Variants in AARSD1 observed in about 807,000 individuals in gnomAD.
The protein encoded by AARSD1 is alanyl-tRNA editing protein Aarsd1.
Under a neutral mutation model 48.7 loss-of-function variants are expected in AARSD1, and 44 were observed. The ratio of observed to expected loss-of-function variants is 0.90; its 90% confidence interval spans 0.71 to 1.16. The LOEUF is 1.16. Ranked by LOEUF, AARSD1 falls within the 50% of genes most tolerant of loss-of-function variation. The pLI, the probability that AARSD1 is intolerant of heterozygous loss-of-function variation, is 0.00. For missense variants in AARSD1, 511 were observed against 523.1 expected (o/e 0.98, Z 0.23); for synonymous variants, 189 against 194.9 (o/e 0.97, Z 0.25).
intron 11 of AARSD1, 119 bp downstream of exon 11, chr17:42,951,681 C>T: frequency 1.8e-6 from 2 of 1,105,730 alleles, no homozygotes; most frequent in Middle Eastern, 2.3e-4. Flanking sequence ...GCCCACCTCA[C>T]ATGCCCATGA....
chr17:42,957,476 CTTTTTTTTTTTT>C (rs1165420812), intron 3 of AARSD1: 30 of 82,994 alleles, frequency 3.6e-4, no homozygotes, highest in Non-Finnish European at 4.9e-4. Flanking sequence ...ACTTAACTTC[CTTTTTTTTTTTT>C]TTTTTTTTTT....
intron 9 of AARSD1, 42 bp from the exon 10 acceptor site, chr17:42,953,820 T>C (rs781455295): frequency 1.2e-6 from 2 of 1,613,830 alleles, no homozygotes; most frequent in East Asian, 2.2e-5. Flanking sequence ...GTTGGAGTGG[T>C]GGCTGTGAAA....
At chr17:42,962,769 C>T (rs939657542) in intron 2 of AARSD1, among the ~76,000 whole-genome samples, 2 of 152,242 alleles carry the variant, frequency 1.3e-5, no homozygotes, top group Non-Finnish European at 2.9e-5. Flanking sequence ...CAGTGGCTCA[C>T]ACCTGTAGGC....
In AARSD1 at chr17:42,961,262, C is replaced by A; in HGVS notation, c.261G>T (p.Leu87=). Residue 87 remains leucine (L), a synonymous_variant, in exon 3 of 12, where the codon CTG becomes CTT. Coordinates refer to ENST00000427569, the MANE Select transcript of AARSD1 (RefSeq NM_001261434.2). ...EQADHFTQTP[L]DPGSQVLVRV... ...GGACCAGAACCTGGCTTCCTGGATC[C>A]AGGGGTGTCTGGGTGAAATGATCAG... 1 of 1,614,150 alleles carries A rather than the reference C, an allele frequency of 6.2e-7. No individual in the cohort carries two copies. Among genetic ancestry groups the A allele is most frequent in the Non-Finnish European group, 8.5e-7 (1 of 1,180,026 alleles).
At chr17:42,963,226 G>A (rs1162310449) in intron 2 of AARSD1, among the ~76,000 whole-genome samples, 2 of 150,870 alleles carry the variant, frequency 1.3e-5, no homozygotes, top group Admixed American at 6.6e-5. Context: ...GACTACAGGG[G>A]CCTGCCAGTA....
chr17:42,955,816 A>G (rs1343004827), intron 7 of AARSD1, 26 bp downstream of exon 7: 1 of 1,613,552 alleles, frequency 6.2e-7, no homozygotes, highest in South Asian at 1.1e-5. Context: ...AATGGGAGGT[A>G]ATCGAAGGTA....
intron 2 of AARSD1, among the ~76,000 whole-genome samples, chr17:42,963,030 T>C (rs939677262): frequency 6.6e-6 from 1 of 151,066 alleles, no homozygotes; most frequent in Middle Eastern, 3.3e-3. Context: ...CTCTTAAAAA[T>C]AAAAAAGAAA....
intron 10 of AARSD1, among the ~76,000 whole-genome samples, chr17:42,952,918 ATTCTCC>A (rs2049498639): frequency 6.6e-6 from 1 of 151,744 alleles, no homozygotes; most frequent in Non-Finnish European, 1.5e-5. Flanking sequence ...GGTTCAAGCA[ATTCTCC>A]TGCCTCAACC....
intron 2 of AARSD1, among the ~76,000 whole-genome samples, chr17:42,961,844 C>G (rs1246674917): frequency 6.6e-6 from 1 of 152,006 alleles, no homozygotes; most frequent in Non-Finnish European, 1.5e-5. Flanking sequence ...CAGTGAGACC[C>G]CACCTCTATG....
intron 3 of AARSD1, among the ~76,000 whole-genome samples, chr17:42,958,970 G>A (rs1243687254): frequency 2.0e-5 from 3 of 150,590 alleles, no homozygotes; most frequent in South Asian, 4.2e-4. Context: ...AGGCCGAGGC[G>A]AGCAGATCAC....
intron 5 of AARSD1, 23 bp downstream of exon 5, chr17:42,956,381 C>G (rs749367409): frequency 8.1e-6 from 13 of 1,614,036 alleles, no homozygotes; most frequent in Non-Finnish European, 1.1e-5. Flanking sequence ...CCGCAGAAAC[C>G]ATCCCTCTGG....
chr17:42,954,476 C>A (rs972427095), intron 9 of AARSD1, among the ~76,000 whole-genome samples: 1 of 151,466 alleles, frequency 6.6e-6, no homozygotes, highest in Admixed American at 6.6e-5. Context: ...CTCTGTTGGT[C>A]CAGGCCGGAG....
chr17:42,955,748 A>C, intron 7 of AARSD1, 94 bp downstream of exon 7: 2 of 1,573,710 alleles, frequency 1.3e-6, no homozygotes, highest in Non-Finnish European at 8.6e-7. Flanking sequence ...GCCGCACTTT[A>C]TCATTTACGA....
At chr17:42,954,113 G>A in intron 9 of AARSD1, 1 of 228,354 alleles carries the variant, frequency 4.4e-6, no homozygotes, top group Non-Finnish European at 8.9e-6. Flanking sequence ...CAGCACTTTG[G>A]GAGGCCAAGG....
intron 3 of AARSD1, among the ~76,000 whole-genome samples, chr17:42,959,548 G>A (rs1351060780): frequency 6.6e-6 from 1 of 151,570 alleles, no homozygotes; most frequent in Non-Finnish European, 1.5e-5. Context: ...TTCTGAGACA[G>A]GGTTTCACTA....
chr17:42,955,596 G>A (rs2049538206), intron 7 of AARSD1: 1 of 541,394 alleles, frequency 1.8e-6, no homozygotes, highest in South Asian at 2.2e-5. Flanking sequence ...CCACCACCAT[G>A]CCTGGCTAAG....
chr17:42,958,248 T>A (rs773616608), intron 3 of AARSD1, among the ~76,000 whole-genome samples: 7 of 152,132 alleles, frequency 4.6e-5, no homozygotes, highest in Non-Finnish European at 8.8e-5. Context: ...ACTCCTGTAA[T>A]CCCAGCACTT....
At position 42,964,124 on chromosome 17, in the gene AARSD1, G is replaced by GAA; in HGVS notation, c.151_152dup (p.Pro52SerfsTer20). 1 of 1,614,208 alleles carries GAA rather than the reference G, an allele frequency of 6.2e-7. No homozygotes were observed. The highest frequency in any genetic ancestry group is 8.5e-7 in the Non-Finnish European group (1 of 1,180,036). On this transcript the variant is annotated frameshift_variant, in exon 2 of 12. Transcript: ENST00000427569. LOFTEE classifies it high-confidence loss of function. ...TTGGTACCTGTCCCCCGCCCTCAGGGAAAAGCACTGTGTCTTCCAGCACCA... is the reference window on the plus strand; with the variant it reads ...TTGGTACCTGTCCCCCGCCCTCAGGGAAAAAAGCACTGTGTCTTCCAGCACCA...
intron 10 of AARSD1, 25 bp downstream of exon 10, chr17:42,953,699 G>A: frequency 6.2e-7 from 1 of 1,614,086 alleles, no homozygotes; most frequent in South Asian, 1.1e-5. Flanking sequence ...CCAGGCCGGG[G>A]TAGAGAATCT....
Sources: allele counts gnomAD v4.1 joint callset (sites outside exome capture counted in the v4.1 genomes callset), GRCh38; gene constraint gnomAD v4.1.1; transcripts MANE v1.5; gene names NCBI Gene and HGNC (gene_info 2026-07-23, HGNC 2026-07-21).